The following GCNT2 variants were observed in gnomAD, a reference collection of about 807,000 sequenced individuals.
GCNT2 encodes the protein N-acetyllactosaminide beta-1,6-N-acetylglucosaminyl-transferase.
In GCNT2, 34 loss-of-function variants were observed where a neutral mutation model predicts 34.2. That is an observed-to-expected ratio of 1.00 (90% CI 0.76 to 1.32). The LOEUF is 1.32. Among genes scored for constraint, GCNT2 ranks in the 40% most tolerant of loss-of-function variants. The pLI is 0.00. For missense variants in GCNT2, 584 were observed against 489.4 expected (o/e 1.19, Z -1.82); for synonymous variants, 212 against 188.0 (o/e 1.13, Z -1.04).
intron 3 of GCNT2, among the ~76,000 whole-genome samples, chr6:10,588,986 TTGTG>T (rs1174266723): frequency 7.5e-6 from 1 of 133,904 alleles, no homozygotes; most frequent in African/African-American, 2.9e-5. Flanking sequence ...TATGGTGTGG[TTGTG>T]TGGTGTGGGT....
chr6:10,562,164 C>T (rs950131956), intron 3 of GCNT2, among the ~76,000 whole-genome samples: 1 of 152,088 alleles, frequency 6.6e-6, no homozygotes, highest in Non-Finnish European at 1.5e-5. Context: ...GTGGGGAGAC[C>T]AACTGTCCCA....
chr6:10,605,900 G>A (rs913689909), intron 3 of GCNT2, among the ~76,000 whole-genome samples: 4 of 152,100 alleles, frequency 2.6e-5, no homozygotes, highest in African/African-American at 7.2e-5. Context: ...AGATGGTCTC[G>A]GATGGTATCA....
intron 3 of GCNT2, among the ~76,000 whole-genome samples, chr6:10,548,516 T>C (rs750499246): frequency 4.6e-5 from 7 of 152,218 alleles, no homozygotes; most frequent in Admixed American, 6.5e-5. Flanking sequence ...ACTCATACTT[T>C]CCTGGTACCC....
intron 3 of GCNT2, among the ~76,000 whole-genome samples, chr6:10,538,115 TTA>T (rs1561784555): frequency 6.6e-6 from 1 of 151,578 alleles, no homozygotes; most frequent in East Asian, 1.9e-4. Context: ...GTAAAAAAAA[TTA>T]TAAGTTGAGG....
intron 3 of GCNT2, among the ~76,000 whole-genome samples, chr6:10,544,982 G>A (rs67435141): frequency 0.085 from 11,892 of 140,088 alleles, 599 homozygotes; most frequent in Middle Eastern, 0.16. Context: ...ATAAATAAAT[G>A]AGGTGGTCAG....
intron 3 of GCNT2, among the ~76,000 whole-genome samples, chr6:10,615,035 C>A (rs3798704): frequency 0.43 from 66,010 of 151,960 alleles, 16,431 homozygotes; most frequent in East Asian, 0.64. Flanking sequence ...AAGTTAGTTA[C>A]AATTAACCCA....
At chr6:10,622,714 G>A (rs905814298) in intron 4 of GCNT2, among the ~76,000 whole-genome samples, 1 of 147,130 alleles carries the variant, frequency 6.8e-6, no homozygotes, top group Non-Finnish European at 1.5e-5. Context: ...CTATGGCAAC[G>A]AGACTTTGCC....
chr6:10,553,890 C>T (rs1427087140), intron 3 of GCNT2, among the ~76,000 whole-genome samples: 1 of 152,040 alleles, frequency 6.6e-6, no homozygotes, highest in African/African-American at 2.4e-5. Flanking sequence ...TCAGACACTG[C>T]CTCAAAGGAA....
intron 3 of GCNT2, among the ~76,000 whole-genome samples, chr6:10,564,268 A>G (rs1487095280): frequency 6.6e-6 from 1 of 152,204 alleles, no homozygotes; most frequent in Non-Finnish European, 1.5e-5. Context: ...GCCCTGTTCC[A>G]AAAGCAGGAA....
chr6:10,585,203 A>C (rs529308290), intron 3 of GCNT2, among the ~76,000 whole-genome samples: 1 of 152,264 alleles, frequency 6.6e-6, no homozygotes, highest in South Asian at 2.1e-4. Context: ...GTTTGAAGAG[A>C]CAGGGTCTCA....
At chr6:10,556,418 T>G (rs781624779) in intron 3 of GCNT2, 82 of 1,613,768 alleles carry the variant, frequency 5.1e-5, no homozygotes, top group South Asian at 2.1e-4. Context: ...CACCCTTCTT[T>G]GAGGCATGCC....
intron 3 of GCNT2, among the ~76,000 whole-genome samples, chr6:10,536,684 G>A (rs547315238): frequency 1.3e-5 from 2 of 149,918 alleles, no homozygotes; most frequent in Non-Finnish European, 3.0e-5. Context: ...GGAAATCAGA[G>A]AGTTGGGACA....
chr6:10,576,455 C>T (rs939355742), intron 3 of GCNT2, among the ~76,000 whole-genome samples: 3 of 152,096 alleles, frequency 2.0e-5, no homozygotes, highest in Admixed American at 2.0e-4. Context: ...TCTGAGGAAA[C>T]AGTTTGGTCG....
intron 3 of GCNT2, chr6:10,573,162 G>C (rs967947321): frequency 2.1e-5 from 19 of 912,452 alleles, no homozygotes; most frequent in Admixed American, 9.6e-5. Context: ...GGATGTTCTA[G>C]ATATGGATCT....
At chr6:10,527,783 TC>T (rs1366025574) in intron 2 of GCNT2, 123 bp downstream of exon 2, 1 of 152,182 alleles carries the variant, frequency 6.6e-6, no homozygotes, top group Non-Finnish European at 1.5e-5. Context: ...CCCAATCTGT[TC>T]CTGGACACGG....
chr6:10,615,788 AC>A (rs1416715278), intron 3 of GCNT2, among the ~76,000 whole-genome samples: 1 of 152,172 alleles, frequency 6.6e-6, no homozygotes, highest in Non-Finnish European at 1.5e-5. Flanking sequence ...GTGGATTATT[AC>A]CCCCGTTTAG....
intron 1 of GCNT2, among the ~76,000 whole-genome samples, chr6:10,526,583 T>A (rs1052533375): frequency 6.6e-6 from 1 of 152,144 alleles, no homozygotes; most frequent in Non-Finnish European, 1.5e-5. Flanking sequence ...CTTTTTTTTT[T>A]ATTAGAGATG....
rs544272153 is a variant in GCNT2, at chr6:10,620,885, A to G, written c.926-466A>G. Among the ~76,000 whole-genome samples the G allele has an allele frequency of 6.6e-5, 10 of 152,234 alleles. No homozygotes were observed. The South Asian group carries it at 2.1e-3, about 32-fold the overall frequency. On this transcript the variant is annotated intron_variant, in intron 3 of 4. Coordinates refer to ENST00000495262, the MANE Select transcript of GCNT2 (RefSeq NM_145649.5). ...TCTGCAGACATTTTTGGTTGTCACA[A>G]TTGAGGAGAGGGTGCTATCGGCATC... is the stretch of plus-strand genomic sequence containing the variant.
At chr6:10,620,921 A>C (rs546359226) in intron 3 of GCNT2, among the ~76,000 whole-genome samples, 1 of 152,268 alleles carries the variant, frequency 6.6e-6, no homozygotes, top group African/African-American at 2.4e-5. Context: ...TATTGGGTAG[A>C]GGCCAAGGAT....
Sources: gnomAD v4.1 joint callset for allele counts (sites outside exome capture counted in the v4.1 genomes callset) on GRCh38, gnomAD v4.1.1 for gene constraint, MANE v1.5 for transcripts, NCBI Gene and HGNC (gene_info 2026-07-23, HGNC 2026-07-21) for gene names.